Variants in CREB5 observed in about 807,000 individuals in gnomAD.
CREB5 encodes cAMP responsive element binding protein 5.
CREB5 carries 19 observed loss-of-function variants against 57.1 expected under a neutral mutation model. The ratio of observed to expected loss-of-function variants is 0.33; its 90% confidence interval spans 0.23 to 0.49. The LOEUF (loss-of-function observed/expected upper bound fraction) is 0.49. Ranked by LOEUF, CREB5 falls within the 20% of genes least tolerant of loss-of-function variation. The pLI is 0.99. For missense variants in CREB5, 579 were observed against 671.6 expected, an observed-to-expected ratio of 0.86 and a Z score of 1.52; for synonymous variants, 238 against 238.3, an observed-to-expected ratio of 1.00 and a Z score of 0.01.
chr7:28,409,321 G>C (rs1266902698), upstream of CREB5: 1 of 152,582 alleles, frequency 6.6e-6, no homozygotes, highest in African/African-American at 2.4e-5. This position sits in a 1 kb window ranked among gnomAD's most constrained non-coding sequence, Gnocchi z 4.4. Flanking sequence ...CGTCACCGGG[G>C]GGGTGATGTA....
intron 1 of CREB5, among the ~76,000 whole-genome samples, chr7:28,447,127 C>T (rs1000169214): frequency 6.6e-6 from 1 of 152,198 alleles, no homozygotes; most frequent in African/African-American, 2.4e-5. Flanking sequence ...AATAAGATAA[C>T]ACACATAGCA....
intron 5 of CREB5, among the ~76,000 whole-genome samples, chr7:28,679,946 G>A (rs933717184): frequency 6.6e-6 from 1 of 152,128 alleles, no homozygotes; most frequent in Admixed American, 6.5e-5. Flanking sequence ...TCTCCCCAAA[G>A]AGCCAGGCAG....
upstream of CREB5, among the ~76,000 whole-genome samples, chr7:28,411,074 A>G (rs1177870474): frequency 6.6e-6 from 1 of 152,126 alleles, no homozygotes; most frequent in African/African-American, 2.4e-5. Flanking sequence ...TCAGCGCGCA[A>G]TCCGCCCTTT....
intron 4 of CREB5, among the ~76,000 whole-genome samples, chr7:28,531,845 A>G (rs943399676): frequency 6.6e-6 from 1 of 151,926 alleles, no homozygotes; most frequent in African/African-American, 2.4e-5. Context: ...CCTGGCTAAC[A>G]TGGTGAAACC....
At chr7:28,814,261 A>G (rs999968509) in intron 9 of CREB5, among the ~76,000 whole-genome samples, 3 of 152,226 alleles carry the variant, frequency 2.0e-5, no homozygotes, top group Non-Finnish European at 2.9e-5. Flanking sequence ...GTCTTTCACT[A>G]TGGAATCCTT....
intron 1 of CREB5, among the ~76,000 whole-genome samples, chr7:28,405,064 C>T (rs1047341785): frequency 1.3e-5 from 2 of 152,304 alleles, no homozygotes; most frequent in African/African-American, 4.8e-5. Flanking sequence ...AGAGCAAATG[C>T]TTGGTAAATG....
chr7:28,608,681 T>C (rs891020375), intron 5 of CREB5, among the ~76,000 whole-genome samples: 45 of 152,184 alleles, frequency 3.0e-4, no homozygotes, highest in Non-Finnish European at 6.0e-4. Context: ...TCAGACTTCA[T>C]CATTTACTCC....
chr7:28,354,881 C>T lies in CREB5; in HGVS notation c.-25+55440C>T, dbSNP rs376436620. 4.6e-4 allele frequency among the ~76,000 whole-genome samples: 70 copies of T among 152,272 alleles called. 1 individual carries two copies. Among genetic ancestry groups the T allele is most frequent in the African/African-American group, 1.4e-3 (60 of 41,548 alleles). On this transcript the variant is annotated intron_variant, in intron 1 of 9. Transcript: ENST00000396299. ...CTGACATCTGGACCCATCTTTTAAC[C>T]GTGAAGTCACAGACGTAAGGATGAA...
At chr7:28,715,594 C>G (rs6946586) in intron 5 of CREB5, among the ~76,000 whole-genome samples, 17,964 of 152,204 alleles carry the variant, frequency 0.12, 1,537 homozygotes, top group African/African-American at 0.23. Context: ...AGCTACATAG[C>G]TACATGCGTC....
chr7:28,736,328 C>A (rs1270624782), intron 7 of CREB5, among the ~76,000 whole-genome samples: 1 of 152,028 alleles, frequency 6.6e-6, no homozygotes, highest in African/African-American at 2.4e-5. Flanking sequence ...CACCACCACG[C>A]CCGGCTAATT....
chr7:28,441,311 G>A (rs1789175177), intron 1 of CREB5, among the ~76,000 whole-genome samples: 1 of 152,218 alleles, frequency 6.6e-6, no homozygotes, highest in Non-Finnish European at 1.5e-5. Flanking sequence ...GTGTGAGCCT[G>A]TTACTCAAAA....
At chr7:28,302,183 T>C (rs1785107454) in intron 1 of CREB5, among the ~76,000 whole-genome samples, 1 of 152,224 alleles carries the variant, frequency 6.6e-6, no homozygotes, top group Non-Finnish European at 1.5e-5. Context: ...ATTAAAATAT[T>C]AATTCTCTAA....
chr7:28,805,778 A>C (rs954438249), intron 8 of CREB5, among the ~76,000 whole-genome samples: 1 of 152,060 alleles, frequency 6.6e-6, no homozygotes, highest in Non-Finnish European at 1.5e-5. Flanking sequence ...CAACCTCTCT[A>C]CCCCTCAGTT....
At chr7:28,341,750 C>G (rs992196704) in intron 1 of CREB5, among the ~76,000 whole-genome samples, 1 of 152,196 alleles carries the variant, frequency 6.6e-6, no homozygotes. Flanking sequence ...GCCACACAGC[C>G]GCTTAACAAT....
At chr7:28,443,643 T>C (rs2128561948) in intron 1 of CREB5, among the ~76,000 whole-genome samples, 1 of 152,292 alleles carries the variant, frequency 6.6e-6, no homozygotes, top group East Asian at 1.9e-4. Context: ...TGTGTTAAGG[T>C]TCCTTAGCTA....
intron 5 of CREB5, among the ~76,000 whole-genome samples, chr7:28,671,273 A>G (rs1033145030): frequency 6.6e-6 from 1 of 152,048 alleles, no homozygotes; most frequent in African/African-American, 2.4e-5. Context: ...AAAAAAAAAA[A>G]AAGTGTGTAC....
intron 5 of CREB5, among the ~76,000 whole-genome samples, chr7:28,711,202 C>G (rs1414135531): frequency 1.3e-5 from 2 of 152,040 alleles, no homozygotes; most frequent in South Asian, 4.1e-4. Flanking sequence ...AGGAGAGGGG[C>G]TAGGGAAGAG....
chr7:28,671,620 GA>G (rs1201190826), intron 5 of CREB5, among the ~76,000 whole-genome samples: 1 of 152,178 alleles, frequency 6.6e-6, no homozygotes, highest in Non-Finnish European at 1.5e-5. Flanking sequence ...GAGAAACCAA[GA>G]AAGACGAATT....
intron 4 of CREB5, among the ~76,000 whole-genome samples, chr7:28,522,401 T>TG (rs1352888711): frequency 6.7e-6 from 1 of 149,650 alleles, no homozygotes; most frequent in Non-Finnish European, 1.5e-5. Flanking sequence ...TTTTTTTTTT[T>TG]TTTTTTTTTT....
Sources: gnomAD v4.1 joint callset for allele counts (sites outside exome capture counted in the v4.1 genomes callset) on GRCh38, gnomAD v4.1.1 for gene constraint, Gnocchi (gnomAD v3.1) non-coding constraint, MANE v1.5 for transcripts, NCBI Gene and HGNC (gene_info 2026-07-23, HGNC 2026-07-21) for gene names.